The following TTLL11 variants were observed in gnomAD, a reference collection of about 807,000 sequenced individuals.
TTLL11 encodes the protein tubulin tyrosine ligase like 11.
TTLL11 carries 42 observed loss-of-function variants against 51.7 expected under a neutral mutation model. That is an observed-to-expected ratio of 0.81 (90% confidence interval 0.64 to 1.05). The LOEUF is 1.05. TTLL11 is among the 50% of genes least tolerant of loss of function. The pLI is 0.00. For missense variants in TTLL11, 799 were observed against 940.4 expected (o/e 0.85, Z 1.97); for synonymous variants, 381 against 383.5 (o/e 0.99, Z 0.08).
chr9:121,960,859 A>C (rs1842197242), intron 6 of TTLL11, among the ~76,000 whole-genome samples: 1 of 152,070 alleles, frequency 6.6e-6, no homozygotes, highest in Non-Finnish European at 1.5e-5. Context: ...GATGAGATGC[A>C]CGCCCAGAGA....
intron 6 of TTLL11, among the ~76,000 whole-genome samples, chr9:121,896,358 C>T (rs1839525731): frequency 1.3e-5 from 2 of 152,210 alleles, no homozygotes; most frequent in Admixed American, 6.5e-5. Context: ...GAACCCACCC[C>T]TCAGCCCTTC....
At position 121,815,870 on chromosome 9, in the gene TTLL11, AG is replaced by A. The variant is rs1262040326; in HGVS notation, c.*6716del. On this transcript the variant is annotated 3_prime_UTR_variant, in exon 9 of 9. Coordinates refer to ENST00000321582, the MANE Select transcript of TTLL11 (RefSeq NM_001139442.2). ...AAAGGCAGAGCTCAGCACAGAGCGG[AG>A]GGGGCTGGAGCACGTGGGGCCTCTC... 6.6e-6 allele frequency: 1 copy of A among 152,174 alleles called. No individual in the cohort carries two copies. The highest frequency in any genetic ancestry group is 1.5e-5 in the Non-Finnish European group (1 of 68,026). The allele number at this position is 152,174 out of a possible 1,614,324, so 9.4% of individuals were successfully genotyped here. A position where few individuals can be genotyped will look rare whatever the true frequency, so the allele number is the denominator to read the frequency against.
At chr9:122,091,373 C>T (rs1846254983) in intron 1 of TTLL11, among the ~76,000 whole-genome samples, 1 of 152,246 alleles carries the variant, frequency 6.6e-6, no homozygotes. Context: ...GAACTGAGAG[C>T]CTGCCTTTGT....
At chr9:122,045,471 A>C (rs1844977278) in intron 1 of TTLL11, among the ~76,000 whole-genome samples, 1 of 152,150 alleles carries the variant, frequency 6.6e-6, no homozygotes, top group African/African-American at 2.4e-5. Flanking sequence ...GAATCGCTTG[A>C]ACCCAGGAAG....
chr9:121,974,763 G>T, intron 5 of TTLL11, 121 bp downstream of exon 5: 1 of 784,626 alleles, frequency 1.3e-6, no homozygotes, highest in South Asian at 1.7e-5. Context: ...TATTTGACTT[G>T]AACAGAATTT....
intron 6 of TTLL11, among the ~76,000 whole-genome samples, chr9:121,918,727 T>C (rs1334847790): frequency 2.0e-5 from 3 of 152,166 alleles, no homozygotes; most frequent in Non-Finnish European, 4.4e-5. Context: ...ATGTCATCAA[T>C]CACAGAATGT....
In TTLL11 at chr9:121,962,239, A is replaced by G. The variant is rs147357451; in HGVS notation, c.1481+11770T>C. 3.2e-3 allele frequency among the ~76,000 whole-genome samples: 488 copies of G among 152,274 alleles called. 4 individuals are homozygous for G. The highest frequency in any genetic ancestry group is 0.011 in the African/African-American group (473 of 41,568). On this transcript the variant is annotated intron_variant, in intron 6 of 8. Transcript: ENST00000321582. ...CTTTTCAGTACTTCCCAATTTTTCC[A>G]CAATAAGCACACATTACTTTCATAA...
chr9:121,973,705 G>T (rs1842630862), intron 6 of TTLL11, among the ~76,000 whole-genome samples: 2 of 151,958 alleles, frequency 1.3e-5, no homozygotes, highest in Admixed American at 6.6e-5. Flanking sequence ...TAACAAACCT[G>T]CACGTTGTGC....
At chr9:122,040,221 C>A (rs1275805628) in intron 1 of TTLL11, among the ~76,000 whole-genome samples, 1 of 152,070 alleles carries the variant, frequency 6.6e-6, no homozygotes, top group Non-Finnish European at 1.5e-5. Context: ...AGAGATGAGA[C>A]AACATAGCCC....
chr9:121,874,662 C>T (rs1053689967), intron 6 of TTLL11, among the ~76,000 whole-genome samples: 1 of 152,170 alleles, frequency 6.6e-6, no homozygotes, highest in Non-Finnish European at 1.5e-5. Context: ...ACCATTCCCC[C>T]TCAGTTAGAG....
intron 1 of TTLL11, among the ~76,000 whole-genome samples, chr9:122,067,968 A>G (rs577502850): frequency 3.9e-5 from 6 of 152,346 alleles, no homozygotes; most frequent in Admixed American, 1.3e-4. Context: ...TGTCATTCCT[A>G]GATTTTTATC....
At chr9:121,930,204 G>A (rs993484724) in intron 6 of TTLL11, among the ~76,000 whole-genome samples, 18 of 152,182 alleles carry the variant, frequency 1.2e-4, no homozygotes, top group African/African-American at 4.1e-4. Flanking sequence ...ACTGGGCCAG[G>A]TTCCTGGCTG....
chr9:121,929,526 C>T (rs1024851189), intron 6 of TTLL11, among the ~76,000 whole-genome samples: 8 of 151,958 alleles, frequency 5.3e-5, no homozygotes, highest in African/African-American at 1.5e-4. Flanking sequence ...GTATGAAAAA[C>T]GGGATGGGGA....
chr9:121,869,602 A>C (rs1588082594), intron 7 of TTLL11, among the ~76,000 whole-genome samples: 2 of 152,342 alleles, frequency 1.3e-5, no homozygotes, highest in South Asian at 4.1e-4. Flanking sequence ...ATATATATCT[A>C]TATGAATTAT....
chr9:121,961,132 A>G (rs1842204956), intron 6 of TTLL11, among the ~76,000 whole-genome samples: 1 of 152,196 alleles, frequency 6.6e-6, no homozygotes, highest in Non-Finnish European at 1.5e-5. Flanking sequence ...AATCTAACAG[A>G]TCATTAGAAG....
At chr9:122,055,837 C>T (rs920086394) in intron 1 of TTLL11, among the ~76,000 whole-genome samples, 2 of 151,856 alleles carry the variant, frequency 1.3e-5, no homozygotes, top group South Asian at 2.1e-4. Context: ...TGACTCTTGA[C>T]GAAAAAAAGG....
At chr9:121,870,368 A>C in intron 7 of TTLL11, 129 bp downstream of exon 7, 2 of 1,246,854 alleles carry the variant, frequency 1.6e-6, no homozygotes, top group South Asian at 3.2e-5. Flanking sequence ...GGCTAATCCA[A>C]GCTCAAATGG....
rs2119087548 is a variant in TTLL11 at position 121,816,061 on chromosome 9, A to C, written c.*6526T>G. On this transcript the variant is annotated 3_prime_UTR_variant, in exon 9 of 9. Coordinates refer to ENST00000321582, the MANE Select transcript of TTLL11 (RefSeq NM_001139442.2). ...CCGCACCCGGTTCTTTACATACATT[A>C]CGACGTGATCCCCACTATCTAGGCA... is the stretch of plus-strand genomic sequence containing the variant. 6.6e-6 allele frequency: 1 copy of C among 152,362 alleles called. No homozygotes were observed. Among genetic ancestry groups the C allele is most frequent in the South Asian group, 2.1e-4 (1 of 4,828 alleles). The allele number at this position is 152,362 out of a possible 1,614,324, so 9.4% of individuals were successfully genotyped here.
At chr9:121,837,929 G>A (rs998896647) in intron 8 of TTLL11, among the ~76,000 whole-genome samples, 3 of 152,034 alleles carry the variant, frequency 2.0e-5, no homozygotes, top group African/African-American at 4.8e-5. Flanking sequence ...GTTTCATCTC[G>A]CTCTCCTGCT....
Sources: gnomAD v4.1 joint callset for allele counts (sites outside exome capture counted in the v4.1 genomes callset) on GRCh38, gnomAD v4.1.1 for gene constraint, MANE v1.5 for transcripts, NCBI Gene and HGNC (gene_info 2026-07-23, HGNC 2026-07-21) for gene names.